Variants in MLH3 observed in about 807,000 individuals in gnomAD.
MLH3 encodes DNA mismatch repair protein Mlh3.
MLH3 carries 82 observed loss-of-function variants against 122.2 expected under a neutral mutation model. The observed-to-expected ratio is 0.67, with a 90% confidence interval of 0.56 to 0.81. The LOEUF (loss-of-function observed/expected upper bound fraction) is 0.81. Ranked by LOEUF, MLH3 falls within the 30% of genes least tolerant of loss-of-function variation. MLH3 has a pLI of 0.00. For synonymous variants in MLH3, 524 were observed against 599.5 expected (o/e 0.87, Z 1.84); for missense variants, 1,539 against 1,714.5 (o/e 0.90, Z 1.81).
intron 5 of MLH3, among the ~76,000 whole-genome samples, chr14:75,038,920 G>A (rs1891610574): frequency 6.7e-6 from 1 of 149,246 alleles, no homozygotes; most frequent in Non-Finnish European, 1.5e-5. Flanking sequence ...CTCACTGCAA[G>A]CTCTGCCTCC....
intron 5 of MLH3, 28 bp downstream of exon 5, chr14:75,039,881 ATT>A (rs762247100): frequency 2.6e-5 from 16 of 616,420 alleles, no homozygotes; most frequent in Non-Finnish European, 3.4e-5. Flanking sequence ...ATATATATAT[ATT>A]TATGAGATTT....
intron 6 of MLH3, among the ~76,000 whole-genome samples, chr14:75,036,436 C>G (rs890028568): frequency 6.6e-6 from 1 of 152,090 alleles, no homozygotes; most frequent in Non-Finnish European, 1.5e-5. Flanking sequence ...ACCTCCGCCT[C>G]CCGGGTTAAA....
In MLH3 at chr14:75,046,605, A is replaced by G; in HGVS notation, c.3051T>C (p.Asn1017=). The G allele has an allele frequency of 6.2e-7, 1 of 1,614,136 alleles. No homozygotes were observed. The highest frequency in any genetic ancestry group is 1.3e-5 in the African/African-American group (1 of 75,018). The part of the protein sequence containing the change: ...NPVEDATGDQ[N]GICFQSEESK... ...ATTCCTCACTCTGAAAACAAATTCC[A>G]TTTTGGTCACCTGTGGCATCTTCTA... Residue 1017 remains asparagine (N), a synonymous_variant, in exon 2 of 13, where the codon AAT becomes AAC. Coordinates refer to ENST00000355774, the MANE Select transcript of MLH3 (RefSeq NM_001040108.2).
intron 7 of MLH3, among the ~76,000 whole-genome samples, chr14:75,033,155 A>G (rs1205617474): frequency 6.6e-6 from 1 of 152,162 alleles, no homozygotes; most frequent in African/African-American, 2.4e-5. Flanking sequence ...CAGAGTAAGC[A>G]GCCTATCCTT....
At chr14:75,043,928 A>G (rs976367694) in intron 2 of MLH3, among the ~76,000 whole-genome samples, 1 of 152,150 alleles carries the variant, frequency 6.6e-6, no homozygotes, top group Non-Finnish European at 1.5e-5. Flanking sequence ...CGTCTCTACT[A>G]AAAATACAAA....
chr14:75,046,825 T>C lies in MLH3; in HGVS notation c.2831A>G (p.Asp944Gly). Residue 944 changes from aspartate to glycine, a missense_variant, in exon 2 of 13, where the codon GAT (aspartate) becomes GGT (glycine). Asp to Gly is a moderately conservative substitution (Grantham distance 94, BLOSUM62 -1). Transcript: ENST00000355774. ...VIPTSDSATQ[D>G]NSFNKNSKTH... ...TTTACTATTTTTATTAAAGGAATTA[T>C]CCTGTGTGGCAGAATCTGATGTTGG... is the stretch of plus-strand genomic sequence containing the variant. 1.9e-6 allele frequency: 3 copies of C among 1,614,156 alleles called. No individual in the cohort carries two copies. The highest frequency in any genetic ancestry group is 2.2e-5 in the South Asian group (2 of 91,086).
chr14:75,049,843 A>G, intron 1 of MLH3, 125 bp from the exon 2 acceptor site: 6 of 659,122 alleles, frequency 9.1e-6, no homozygotes, highest in Non-Finnish European at 1.6e-5. Flanking sequence ...ACAAAGCAAA[A>G]CAAAGTTATA....
intron 11 of MLH3, among the ~76,000 whole-genome samples, chr14:75,022,167 G>A (rs1299964287): frequency 6.6e-6 from 1 of 152,160 alleles, no homozygotes. Context: ...CTACTTGAGG[G>A]TGGAGGGTGG....
At chr14:75,034,412 C>T (rs887127470) in intron 6 of MLH3, among the ~76,000 whole-genome samples, 2 of 152,090 alleles carry the variant, frequency 1.3e-5, no homozygotes, top group African/African-American at 2.4e-5. Flanking sequence ...AGCCGGAGAA[C>T]GTTTTCTGAA....
intron 4 of MLH3, among the ~76,000 whole-genome samples, chr14:75,041,234 T>C (rs565015887): frequency 2.0e-5 from 3 of 152,140 alleles, no homozygotes; most frequent in Non-Finnish European, 4.4e-5. Flanking sequence ...GTACCCATCT[T>C]GAAACTCAAA....
At chr14:75,030,499 A>C in intron 9 of MLH3, 44 bp downstream of exon 9, 2 of 1,578,546 alleles carry the variant, frequency 1.3e-6, no homozygotes, top group Non-Finnish European at 1.7e-6. Context: ...ATATGAGGTT[A>C]CCATCACTCA....
chr14:75,027,385 G>A (rs1595043111), intron 9 of MLH3, among the ~76,000 whole-genome samples: 2 of 150,874 alleles, frequency 1.3e-5, no homozygotes, highest in African/African-American at 2.4e-5. Flanking sequence ...TCAGCCTCCC[G>A]AGTAGCTGGA....
chr14:75,019,404 C>T (rs1039409463), intron 11 of MLH3, among the ~76,000 whole-genome samples: 12 of 106,280 alleles, frequency 1.1e-4, no homozygotes, highest in Non-Finnish European at 1.9e-4. Flanking sequence ...AGCGAGACTC[C>T]GTTCTCAAAA....
chr14:75,020,229 AG>A (rs1890187419), intron 11 of MLH3, among the ~76,000 whole-genome samples: 1 of 152,228 alleles, frequency 6.6e-6, no homozygotes, highest in Non-Finnish European at 1.5e-5. Flanking sequence ...GACACTGGAG[AG>A]GCAGGCAGGG....
chr14:75,050,533 G>A (rs1892587276), intron 1 of MLH3, among the ~76,000 whole-genome samples: 1 of 152,062 alleles, frequency 6.6e-6, no homozygotes. Flanking sequence ...CCGAGTAGCT[G>A]GGATTACAGG....
chr14:75,034,759 G>T (rs553841032), intron 6 of MLH3, among the ~76,000 whole-genome samples: 49 of 151,958 alleles, frequency 3.2e-4, no homozygotes, highest in African/African-American at 1.1e-3. Flanking sequence ...TACCCCCTGG[G>T]GATCTTATTA....
At position 75,046,733 on chromosome 14, in the gene MLH3, T is replaced by C. The variant is rs1016685208; in HGVS notation, c.2923A>G (p.Asn975Asp). The C allele has an allele frequency of 9.9e-6, 16 of 1,614,048 alleles. No individual in the cohort carries two copies. The Admixed American group carries it at 1.5e-4, about 15-fold the overall frequency. ...ISETPLVLPY[N>D]NSKVTGKDSD... is the part of the protein sequence containing the mutation. ...TCTTTACCGGTAACTTTAGAATTAT[T>C]ATAGGGCAATACCAAAGGAGTTTCT... Residue 975 changes from asparagine to aspartate, a missense_variant, in exon 2 of 13, where the codon AAT (asparagine) becomes GAT (aspartate). Asn to Asp is a conservative substitution (Grantham distance 23, BLOSUM62 1). Transcript: ENST00000355774.
intron 2 of MLH3, among the ~76,000 whole-genome samples, chr14:75,044,557 T>C (rs760120811): frequency 3.9e-5 from 6 of 152,142 alleles, no homozygotes; most frequent in Non-Finnish European, 7.4e-5. Flanking sequence ...ACCACATAGA[T>C]TGAAAAGCAC....
intron 2 of MLH3, among the ~76,000 whole-genome samples, chr14:75,045,109 C>A (rs150068208): frequency 1.3e-5 from 2 of 152,312 alleles, no homozygotes; most frequent in African/African-American, 4.8e-5. Context: ...GCAGGTGGAT[C>A]ACCTGAGGTC....
Sources: allele counts gnomAD v4.1 joint callset (sites outside exome capture counted in the v4.1 genomes callset), GRCh38; gene constraint gnomAD v4.1.1; transcripts MANE v1.5; gene names NCBI Gene and HGNC (gene_info 2026-07-23, HGNC 2026-07-21).